Variants in PCGF6 observed in about 807,000 individuals in gnomAD.
The protein encoded by PCGF6 is polycomb group ring finger 6, also known as polycomb group RING finger protein 6.
PCGF6 carries 24 observed loss-of-function variants against 45.5 expected under a neutral mutation model. That is an observed-to-expected ratio of 0.53 (90% CI 0.38 to 0.74). The LOEUF is 0.74. Ranked by LOEUF, PCGF6 falls within the 30% of genes least tolerant of loss-of-function variation. PCGF6 has a pLI of 0.00. For synonymous variants in PCGF6, 152 were observed against 162.1 expected (o/e 0.94, Z 0.47); for missense variants, 356 against 443.2 (o/e 0.80, Z 1.77).
At chr10:103,323,882 G>A (rs977293060) in intron 8 of PCGF6, among the ~76,000 whole-genome samples, 8 of 152,012 alleles carry the variant, frequency 5.3e-5, no homozygotes, top group African/African-American at 1.9e-4. Flanking sequence ...ACTACACATG[G>A]CCAGTCACTG....
intron 8 of PCGF6, among the ~76,000 whole-genome samples, chr10:103,325,930 G>C (rs1172107600): frequency 6.6e-6 from 1 of 151,958 alleles, no homozygotes; most frequent in Admixed American, 6.6e-5. Flanking sequence ...GGCTGAGACA[G>C]GAGGGAGGAC....
chr10:103,318,144 T>C (rs1003880529), intron 8 of PCGF6, among the ~76,000 whole-genome samples: 3 of 150,444 alleles, frequency 2.0e-5, no homozygotes, highest in African/African-American at 7.3e-5. Flanking sequence ...ATTTTTTGCT[T>C]TAAAAAAAAT....
At position 103,325,256 on chromosome 10, in the gene PCGF6, T is replaced by C. The variant is rs1237179038; in HGVS notation, c.909+1278A>G. Among the ~76,000 whole-genome samples the C allele has an allele frequency of 2.6e-5, 4 of 152,236 alleles. No homozygotes were observed. In the East Asian group the frequency reaches 5.8e-4, roughly 22 times the overall value. On this transcript the variant is annotated intron_variant, in intron 8 of 9. Coordinates refer to ENST00000369847, the MANE Select transcript of PCGF6 (RefSeq NM_001011663.2). ...CCTGAGCTTTGCTTGTTTTTTTGTT[T>C]GTTTTGTTTTGTTTTGAGACGGAGT...
chr10:103,337,146 T>C (rs938534257), intron 6 of PCGF6, among the ~76,000 whole-genome samples: 1 of 152,118 alleles, frequency 6.6e-6, no homozygotes, highest in Non-Finnish European at 1.5e-5. Context: ...TCTCTTAAAA[T>C]ATGGTACCCA....
At position 103,324,637 on chromosome 10, in the gene PCGF6, G is replaced by A. The variant is rs148476176; in HGVS notation, c.909+1897C>T. 6.2e-3 allele frequency among the ~76,000 whole-genome samples: 940 copies of A among 151,740 alleles called. 54 individuals are homozygous for A. The East Asian group carries it at 0.13, about 21-fold the overall frequency. On this transcript the variant is annotated intron_variant, in intron 8 of 9. Coordinates refer to ENST00000369847, the MANE Select transcript of PCGF6 (RefSeq NM_001011663.2). ...TAGCCAGGTGTGGTGGCACAGGCCT[G>A]TAATCCCAGCTACTCAGGAGCCTGA... is the stretch of plus-strand genomic sequence containing the variant.
intron 7 of PCGF6, among the ~76,000 whole-genome samples, chr10:103,331,561 T>A (rs909780567): frequency 1.3e-5 from 2 of 152,184 alleles, no homozygotes; most frequent in African/African-American, 4.8e-5. Context: ...CCCAGCCCAA[T>A]TTGAGATTAT....
intron 9 of PCGF6, among the ~76,000 whole-genome samples, chr10:103,307,135 T>A (rs1346971395): frequency 6.7e-6 from 1 of 150,214 alleles, no homozygotes; most frequent in South Asian, 2.1e-4. Context: ...AATAAAAAAA[T>A]AAAAAAATTT....
At chr10:103,320,263 A>G (rs1409851443) in intron 8 of PCGF6, among the ~76,000 whole-genome samples, 4 of 152,200 alleles carry the variant, frequency 2.6e-5, no homozygotes, top group Non-Finnish European at 5.9e-5. Context: ...GCAAAATACA[A>G]TAAGACATCA....
intron 8 of PCGF6, among the ~76,000 whole-genome samples, chr10:103,320,049 GCC>G (rs2093191376): frequency 6.6e-6 from 1 of 151,910 alleles, no homozygotes; most frequent in Non-Finnish European, 1.5e-5. Flanking sequence ...CTCGTGATCC[GCC>G]CGCCTCAGCC....
intron 8 of PCGF6, among the ~76,000 whole-genome samples, chr10:103,320,385 C>A (rs2093192677): frequency 6.6e-6 from 1 of 152,102 alleles, no homozygotes; most frequent in Admixed American, 6.6e-5. Flanking sequence ...GAACTTAAAT[C>A]TTTCTTAAGA....
chr10:103,350,800 C>A lies in PCGF6; in HGVS notation c.267G>T (p.Glu89Asp). 6.4e-7 allele frequency: 1 copy of A among 1,556,854 alleles called. No homozygotes were observed. Among genetic ancestry groups the A allele is most frequent in the African/African-American group, 1.4e-5 (1 of 73,008 alleles). The change falls in exon 1 of 10, where the codon GAG becomes GAT. Residue 89 changes from glutamate to aspartate, a missense_variant. By Grantham distance (45) the Glu-to-Asp change is conservative. Transcript: ENST00000369847. ...DEDEELEEEE[E>D]LEEEEEEEEE... ...CCTCCTCCTCTTCTTCCTCCTCCAGCTCCTCTTCTTCTTCCAACTCCTCGT... is the reference window on the plus strand; with the variant it reads ...CCTCCTCCTCTTCTTCCTCCTCCAGATCCTCTTCTTCTTCCAACTCCTCGT...
At chr10:103,319,459 T>C (rs1391756026) in intron 8 of PCGF6, among the ~76,000 whole-genome samples, 4 of 152,136 alleles carry the variant, frequency 2.6e-5, no homozygotes, top group Non-Finnish European at 4.4e-5. Flanking sequence ...CCATACATAC[T>C]CTTCTTTGCT....
At chr10:103,319,560 C>T (rs2093189048) in intron 8 of PCGF6, among the ~76,000 whole-genome samples, 2 of 152,252 alleles carry the variant, frequency 1.3e-5, no homozygotes, top group South Asian at 2.1e-4. Context: ...GTTATCTCCA[C>T]TGTTGCATTC....
chr10:103,311,994 T>C (rs1049542478), intron 9 of PCGF6, among the ~76,000 whole-genome samples: 2 of 141,818 alleles, frequency 1.4e-5, no homozygotes, highest in African/African-American at 2.7e-5. Flanking sequence ...GCTGAGGTAC[T>C]AGAATCACTT....
rs1352013460 is a variant in PCGF6 at position 103,305,435 on chromosome 10, TA to T, written c.997-1475del. 2.0e-5 allele frequency among the ~76,000 whole-genome samples: 3 copies of T among 152,144 alleles called. No homozygotes were observed. The East Asian group carries it at 5.8e-4, about 30-fold the overall frequency. On this transcript the variant is annotated intron_variant, in intron 9 of 9. Transcript: ENST00000369847. ...ACAGGGGCCCGCCATCACGCCTGGC[TA>T]ATTTTCGTAATTTTAGTAGAGACGG...
chr10:103,310,059 C>A (rs1277188498), intron 9 of PCGF6, among the ~76,000 whole-genome samples: 1 of 151,218 alleles, frequency 6.6e-6, no homozygotes, highest in Admixed American at 6.6e-5. Flanking sequence ...TCAGGCAATT[C>A]CCTGCCTCAG....
intron 9 of PCGF6, among the ~76,000 whole-genome samples, chr10:103,313,073 C>G (rs1424748415): frequency 6.6e-6 from 1 of 152,222 alleles, no homozygotes; most frequent in African/African-American, 2.4e-5. Context: ...TAGATCCTAT[C>G]TTGGTTTTTA....
intron 9 of PCGF6, among the ~76,000 whole-genome samples, chr10:103,312,917 C>T (rs548184128): frequency 5.3e-5 from 8 of 152,126 alleles, no homozygotes; most frequent in African/African-American, 1.2e-4. Context: ...GCCGAGATCA[C>T]GCCACTGCAC....
chr10:103,303,949 C>A lies in PCGF6; in HGVS notation c.1009G>T (p.Val337Phe). The A allele has an allele frequency of 6.2e-7, 1 of 1,613,344 alleles. No individual in the cohort carries two copies. ...GDAAMQDGLL[V>F]LHYGLVVSPL... The stretch of plus-strand genomic sequence containing the variant: ...GAAACCACAAGACCATAATGAAGGA[C>A]AAGCAGACCATCCTGAAAAGGGGAG... Residue 337 changes from valine to phenylalanine, a missense_variant, in exon 10 of 10, where the codon GTC (valine) becomes TTC (phenylalanine). Coordinates refer to ENST00000369847, the MANE Select transcript of PCGF6 (RefSeq NM_001011663.2).
Sources: allele counts gnomAD v4.1 joint callset (sites outside exome capture counted in the v4.1 genomes callset), GRCh38; gene constraint gnomAD v4.1.1; transcripts MANE v1.5; gene names NCBI Gene and HGNC (gene_info 2026-07-23, HGNC 2026-07-21).